The following GFI1B variants were observed in gnomAD, a reference collection of about 807,000 sequenced individuals.
GFI1B encodes zinc finger protein Gfi-1b.
A neutral mutation model predicts 35.3 loss-of-function variants in GFI1B; 20 were observed. That is an observed-to-expected ratio of 0.57 (90% CI 0.40 to 0.82). GFI1B has a LOEUF of 0.82. Ranked by LOEUF, GFI1B falls within the 40% of genes least tolerant of loss-of-function variation. The pLI is 0.00. For synonymous variants in GFI1B, 178 were observed against 177.6 expected (o/e 1.00, Z -0.02); for missense variants, 430 against 446.3 (o/e 0.96, Z 0.33).
Position 132,989,746 on chromosome 9 carries a change from G to A in GFI1B, c.653G>A (p.Arg218His), listed in dbSNP as rs762784268. ...EQHTHVHSQERSFECRMCGKA... is the reference protein window; with the variant it reads ...EQHTHVHSQEHSFECRMCGKA... ...GGGCCTCATTTCCTCCGGCAGGAGCGCAGCTTCGAGTGCCGCATGTGCGGC... is the reference window on the plus strand; with the variant it reads ...GGGCCTCATTTCCTCCGGCAGGAGCACAGCTTCGAGTGCCGCATGTGCGGC... The change falls in exon 6 of 7, where the codon CGC becomes CAC. Residue 218 changes from arginine to histidine, a missense_variant. Transcript: ENST00000372122. This position sits in a 1 kb window ranked among gnomAD's most constrained non-coding sequence, Gnocchi z 6.2. The A allele has an allele frequency of 3.1e-6, 5 of 1,613,606 alleles. No individual in the cohort carries two copies. Among genetic ancestry groups the A allele is most frequent in the Middle Eastern group, 1.7e-4 (1 of 6,046 alleles).
chr9:132,980,185 C>T (rs686652), intron 1 of GFI1B, among the ~76,000 whole-genome samples: 21,788 of 151,798 alleles, frequency 0.14, 1,678 homozygotes, highest in Middle Eastern at 0.25. Flanking sequence ...TCAAAACCAG[C>T]GCAGACCATT....
intron 1 of GFI1B, among the ~76,000 whole-genome samples, chr9:132,986,290 C>A (rs1054288208): frequency 6.7e-6 from 1 of 148,300 alleles, no homozygotes; most frequent in South Asian, 2.1e-4. Context: ...CGAGTTCTGG[C>A]GGCTGTCGGC....
At chr9:132,962,641 TGAA>T (rs1848384673) in intron 1 of GFI1B, 1 of 497,766 alleles carries the variant, frequency 2.0e-6, no homozygotes. Context: ...AAGGAGATAT[TGAA>T]GAAGAACCAA....
chr9:132,987,119 G>A (rs187396558), intron 2 of GFI1B, among the ~76,000 whole-genome samples, 163 bp from the exon 3 acceptor site: 38 of 152,290 alleles, frequency 2.5e-4, no homozygotes, highest in African/African-American at 8.2e-4. Context: ...TCTTCTTGCC[G>A]CCGCCTGCTC....
chr9:132,958,081 G>A (rs1483754603), intron 1 of GFI1B, among the ~76,000 whole-genome samples: 2 of 152,154 alleles, frequency 1.3e-5, no homozygotes, highest in Non-Finnish European at 2.9e-5. Flanking sequence ...GAAGGTGTTT[G>A]ACCTTGATCC....
rs368905369 is a variant in GFI1B at position 132,988,413 on chromosome 9, T to A, written c.455T>A (p.Phe152Tyr). ...LVPSTEPALD[F>Y]SLRYSPGMDA... ...CCCAGCACTGAGCCCGCCTTGGACTTCAGCCTCCGCTACTCCCCAGGCATG... is the reference window on the plus strand; with the variant it reads ...CCCAGCACTGAGCCCGCCTTGGACTACAGCCTCCGCTACTCCCCAGGCATG... The change falls in exon 4 of 7, where the codon TTC becomes TAC. Residue 152 changes from phenylalanine (F) to tyrosine (Y), a missense_variant. Physicochemically the swap from Phe to Tyr is conservative, Grantham distance 22. Coordinates refer to ENST00000372122, the MANE Select transcript of GFI1B (RefSeq NM_001377304.1). 150 of 1,613,994 alleles carry A rather than the reference T, an allele frequency of 9.3e-5. No individual in the cohort carries two copies. Among genetic ancestry groups the A allele is most frequent in the Non-Finnish European group, 1.2e-4 (139 of 1,180,012 alleles).
chr9:132,973,713 A>G (rs920593147), upstream of GFI1B, among the ~76,000 whole-genome samples: 1 of 152,210 alleles, frequency 6.6e-6, no homozygotes, highest in Admixed American at 6.5e-5. Context: ...GCAAGAAAGG[A>G]CACAGCATAT....
intron 1 of GFI1B, among the ~76,000 whole-genome samples, chr9:132,963,163 A>G (rs545020706): frequency 6.6e-6 from 1 of 151,074 alleles, no homozygotes; most frequent in South Asian, 2.1e-4. Flanking sequence ...GTTCAGTATT[A>G]CATATATGGG....
intron 6 of GFI1B, among the ~76,000 whole-genome samples, chr9:132,990,330 T>C (rs954776082): frequency 9.3e-5 from 14 of 150,468 alleles, no homozygotes; most frequent in African/African-American, 3.2e-4. Context: ...TGTTCAGTCA[T>C]TCATTCATTT....
intron 1 of GFI1B, among the ~76,000 whole-genome samples, chr9:132,954,908 G>A (rs529921808): frequency 2.0e-5 from 3 of 152,020 alleles, no homozygotes; most frequent in South Asian, 4.2e-4. Context: ...TAGTAGAGAC[G>A]GAGTTTCACT....
intron 1 of GFI1B, among the ~76,000 whole-genome samples, chr9:132,966,671 C>T (rs1400426727): frequency 1.3e-5 from 2 of 152,206 alleles, no homozygotes; most frequent in African/African-American, 2.4e-5. Flanking sequence ...GTTTGCTTGG[C>T]GACAAAGTCC....
intron 1 of GFI1B, among the ~76,000 whole-genome samples, chr9:132,948,165 G>A (rs1451898456): frequency 6.6e-6 from 1 of 151,776 alleles, no homozygotes; most frequent in African/African-American, 2.4e-5. Flanking sequence ...CTGGACTAGA[G>A]TGCTCCTCTG....
intron 1 of GFI1B, among the ~76,000 whole-genome samples, chr9:132,968,573 C>T (rs752168765): frequency 4.6e-5 from 7 of 152,160 alleles, no homozygotes; most frequent in South Asian, 2.1e-4. Context: ...AAGATTAATT[C>T]GCTTTTTTGT....
intron 1 of GFI1B, among the ~76,000 whole-genome samples, chr9:132,964,549 G>T (rs1848419501): frequency 6.6e-6 from 1 of 152,048 alleles, no homozygotes; most frequent in Admixed American, 6.6e-5. Context: ...ATGCATCAAT[G>T]CCTGGTCACA....
chr9:132,967,310 G>A (rs1319817523), intron 1 of GFI1B, among the ~76,000 whole-genome samples: 3 of 152,136 alleles, frequency 2.0e-5, no homozygotes, highest in Non-Finnish European at 4.4e-5. Flanking sequence ...AGCAGAAAAT[G>A]GACTAAGACA....
At chr9:132,981,784 G>A (rs546359771) in intron 1 of GFI1B, among the ~76,000 whole-genome samples, 2 of 151,330 alleles carry the variant, frequency 1.3e-5, no homozygotes, top group South Asian at 2.1e-4. Flanking sequence ...ACAGAGTCTC[G>A]CTGTGTCACC....
At chr9:132,993,265 G>C (rs920365685), downstream of GFI1B, among the ~76,000 whole-genome samples, 5 of 152,172 alleles carry the variant, frequency 3.3e-5, no homozygotes, top group African/African-American at 9.7e-5. Context: ...TTGCACTCCA[G>C]CTCTGGGCAA....
At chr9:132,985,228 G>C (rs535001952) in intron 1 of GFI1B, among the ~76,000 whole-genome samples, 3 of 152,314 alleles carry the variant, frequency 2.0e-5, no homozygotes, top group Admixed American at 6.5e-5. Context: ...CATTCTGGGG[G>C]CCAGGCAGGG....
At position 132,967,632 on chromosome 9, in the gene GFI1B, G is replaced by A. The variant is rs77527344; in HGVS notation, c.-700-5093G>A. Reference sequence around the variant, plus strand: ...AACTATTGATAATTTTCTTAGGTACGATAATGACATTGTAGTTGTGTGATT... The same window carrying A: ...AACTATTGATAATTTTCTTAGGTACAATAATGACATTGTAGTTGTGTGATT... On this transcript the variant is annotated intron_variant, in intron 1 of 10. Transcript: ENST00000339463. 5.9e-3 allele frequency among the ~76,000 whole-genome samples: 896 copies of A among 152,240 alleles called. 10 individuals are homozygous for A. Among genetic ancestry groups the A allele is most frequent in the African/African-American group, 0.02 (824 of 41,540 alleles).
Sources: allele counts gnomAD v4.1 joint callset (sites outside exome capture counted in the v4.1 genomes callset), GRCh38; gene constraint gnomAD v4.1.1; non-coding constraint Gnocchi (gnomAD v3.1); transcripts MANE v1.5; gene names NCBI Gene and HGNC (gene_info 2026-07-23, HGNC 2026-07-21).